VPS13A: variants seen among roughly 807,000 people sequenced by gnomAD.
The protein encoded by VPS13A is vacuolar protein sorting 13 homolog A, also known as intermembrane lipid transfer protein VPS13A.
A neutral mutation model predicts 390.9 loss-of-function variants in VPS13A; 264 were observed. The observed-to-expected ratio is 0.68, with a 90% CI of 0.61 to 0.75. The LOEUF (loss-of-function observed/expected upper bound fraction) is 0.75, where lower values mean the gene tolerates loss of function less well. VPS13A is among the 30% of genes least tolerant of loss of function. The pLI, the probability that VPS13A is intolerant of heterozygous loss-of-function variation, is 0.00. For missense variants in VPS13A, 3,409 were observed against 3,733.9 expected, an observed-to-expected ratio of 0.91 and a Z score of 2.27; for synonymous variants, 1,231 against 1,227.1, an observed-to-expected ratio of 1.00 and a Z score of -0.07.
chr9:77,416,866 C>CTTAGA lies in VPS13A; in HGVS notation c.*862_*866dup, dbSNP rs1250512215. On this transcript the variant is annotated 3_prime_UTR_variant, in exon 72 of 72. Coordinates refer to ENST00000360280, the MANE Select transcript of VPS13A (RefSeq NM_033305.3). ...ATGGAATAAACACAATTCCCAACAT[C>CTTAGA]TTAGATAGTGTATTATGCTTCCAAC... 4.6e-5 allele frequency: 7 copies of CTTAGA among 152,600 alleles called. No individual in the cohort carries two copies. Among genetic ancestry groups the CTTAGA allele is most frequent in the Admixed American group, 1.3e-4 (2 of 15,274 alleles). The allele number at this position is 152,600 out of a possible 1,614,324, so 9.5% of individuals were successfully genotyped here.
Position 77,308,040 on chromosome 9 carries a change from A to C in VPS13A, c.4056A>C (p.Thr1352=). Residue 1352 remains threonine, a synonymous_variant, in exon 35 of 72, where the codon ACA becomes ACC. Transcript: ENST00000360280. ...EKDGSASPAV[T]KDQYSATSGV... is the part of the protein sequence containing the mutation. ...ATGGTAGTGCCTCACCTGCTGTAAC[A>C]AAAGACCAATACAGTGCCACTAGTG... 3.1e-6 allele frequency: 5 copies of C among 1,613,940 alleles called. No homozygotes were observed. The highest frequency in any genetic ancestry group is 4.2e-6 in the Non-Finnish European group (5 of 1,179,886).
At chr9:77,245,032 G>C (rs1277911368) in intron 19 of VPS13A, among the ~76,000 whole-genome samples, 1 of 152,144 alleles carries the variant, frequency 6.6e-6, no homozygotes, top group Non-Finnish European at 1.5e-5. Context: ...TGAGTGAGGG[G>C]AGAGTGGAGG....
intron 1 of VPS13A, among the ~76,000 whole-genome samples, chr9:77,184,938 T>A (rs1174410388): frequency 6.6e-6 from 1 of 152,140 alleles, no homozygotes; most frequent in African/African-American, 2.4e-5. Context: ...TGTAATATCC[T>A]TTATGATAAA....
intron 31 of VPS13A, 46 bp downstream of exon 31, chr9:77,283,696 TG>T: frequency 7.0e-7 from 1 of 1,436,864 alleles, no homozygotes; most frequent in Non-Finnish European, 9.6e-7. Flanking sequence ...TAAATAGGAT[TG>T]TCCTTTAAGA....
At chr9:77,411,318 T>G (rs576715298) in intron 71 of VPS13A, among the ~76,000 whole-genome samples, 1 of 152,112 alleles carries the variant, frequency 6.6e-6, no homozygotes, top group East Asian at 1.9e-4. Flanking sequence ...TAGCACTAAA[T>G]GTCCACAAGA....
chr9:77,237,295 A>C (rs1033638926), intron 17 of VPS13A, among the ~76,000 whole-genome samples: 1 of 152,106 alleles, frequency 6.6e-6, no homozygotes, highest in African/African-American at 2.4e-5. Context: ...TGCTGGGGAG[A>C]AGAGTTGCTG....
chr9:77,290,851 T>C (rs1343925936), intron 31 of VPS13A, among the ~76,000 whole-genome samples: 4 of 152,234 alleles, frequency 2.6e-5, no homozygotes, highest in Non-Finnish European at 5.9e-5. Flanking sequence ...TATGTTCCAC[T>C]AGAAGCCTTT....
At chr9:77,296,454 GC>G (rs1222235534) in intron 33 of VPS13A, among the ~76,000 whole-genome samples, 1 of 151,852 alleles carries the variant, frequency 6.6e-6, no homozygotes, top group East Asian at 1.9e-4. Context: ...CTTCTCAACT[GC>G]CCTCTTCCTT....
At position 77,356,941 on chromosome 9, in the gene VPS13A, T is replaced by G. The variant is rs143409051; in HGVS notation, c.7806+74T>G. ...AGTTTGGTGAATCACTAGTGAAATT[T>G]AAGGAAAGTTTGGCTTCCTTATAAA... is the stretch of plus-strand genomic sequence containing the variant. On this transcript the variant is annotated intron_variant, in intron 55 of 71. Transcript: ENST00000360280. The G allele has an allele frequency of 1.2e-4, 184 of 1,553,058 alleles. 1 individual carries two copies. In the African/African-American group the frequency reaches 2.3e-3, roughly 20 times the overall value.
At chr9:77,256,916 T>G (rs1485308956) in intron 22 of VPS13A, among the ~76,000 whole-genome samples, 1 of 152,166 alleles carries the variant, frequency 6.6e-6, no homozygotes, top group Non-Finnish European at 1.5e-5. Flanking sequence ...TTGTAGACAG[T>G]ATGTAGTTGC....
At chr9:77,279,693 G>A (rs898544542) in intron 26 of VPS13A, among the ~76,000 whole-genome samples, 3 of 152,030 alleles carry the variant, frequency 2.0e-5, no homozygotes, top group Non-Finnish European at 2.9e-5. Context: ...CATGGTAATA[G>A]GGTTTATTTT....
At chr9:77,389,081 G>A (rs1339485342) in intron 68 of VPS13A, among the ~76,000 whole-genome samples, 1 of 152,030 alleles carries the variant, frequency 6.6e-6, no homozygotes, top group Non-Finnish European at 1.5e-5. Context: ...CTATAGAAAA[G>A]GAAACAATTA....
At position 77,260,175 on chromosome 9, in the gene VPS13A, C is replaced by T. The variant is rs1825675187; in HGVS notation, c.2378C>T (p.Pro793Leu). ...ATTATGGAATTGATTGAAAGCATTC[C>T]AAAACCTGAACCAGTAACTGAAGTA... ...QGIMELIESI[P>L]KPEPVTEVSA... The change falls in exon 23 of 72, where the codon CCA (proline) becomes CTA (leucine). Residue 793 changes from proline (P) to leucine (L), a missense_variant. Physicochemically the swap from Pro to Leu is moderately conservative, Grantham distance 98. Coordinates refer to ENST00000360280, the MANE Select transcript of VPS13A (RefSeq NM_033305.3). 6.2e-7 allele frequency: 1 copy of T among 1,612,986 alleles called. No homozygotes were observed. The highest frequency in any genetic ancestry group is 8.5e-7 in the Non-Finnish European group (1 of 1,179,436).
At position 77,416,240 on chromosome 9, in the gene VPS13A, T is replaced by C; in HGVS notation, c.*234T>C. 1 of 460,808 alleles carries C rather than the reference T, an allele frequency of 2.2e-6. No homozygotes were observed. Among genetic ancestry groups the C allele is most frequent in the South Asian group, 2.4e-5 (1 of 41,300 alleles). The allele number at this position is 460,808 out of a possible 1,614,324, so 28.5% of individuals were successfully genotyped here. A position where few individuals can be genotyped will look rare whatever the true frequency, so the allele number is the denominator to read the frequency against. On this transcript the variant is annotated 3_prime_UTR_variant, in exon 72 of 72. Coordinates refer to ENST00000360280, the MANE Select transcript of VPS13A (RefSeq NM_033305.3). ...TCAGCAATTACCCGGTTTTCTAAAT[T>C]GAATCATGCATCTATTTATAATTCT... is the stretch of plus-strand genomic sequence containing the variant.
At chr9:77,355,904 A>G (rs1831749641) in intron 54 of VPS13A, among the ~76,000 whole-genome samples, 1 of 152,194 alleles carries the variant, frequency 6.6e-6, no homozygotes, top group Non-Finnish European at 1.5e-5. Context: ...GGCTTACTGT[A>G]GTACACTAAC....
intron 10 of VPS13A, among the ~76,000 whole-genome samples, chr9:77,218,970 A>C (rs975223878): frequency 2.6e-5 from 4 of 152,120 alleles, no homozygotes; most frequent in Non-Finnish European, 5.9e-5. Context: ...TGGTTACTCC[A>C]CACTGACGAA....
intron 44 of VPS13A, 46 bp from the exon 45 acceptor site, chr9:77,323,021 G>T (rs770446048): frequency 1.4e-6 from 2 of 1,403,714 alleles, no homozygotes; most frequent in South Asian, 2.5e-5. Flanking sequence ...AAATTAATAT[G>T]TAATGAATTA....
chr9:77,298,800 A>G (rs1347981514), intron 33 of VPS13A, among the ~76,000 whole-genome samples: 1 of 152,140 alleles, frequency 6.6e-6, no homozygotes, highest in African/African-American at 2.4e-5. Context: ...TGGTTCCCCC[A>G]TACTGTTCTC....
chr9:77,199,415 T>G (rs2131101769), intron 1 of VPS13A, among the ~76,000 whole-genome samples: 1 of 152,330 alleles, frequency 6.6e-6, no homozygotes, highest in East Asian at 1.9e-4. Flanking sequence ...AGCAGTGTAT[T>G]TTAAACTTTC....
Sources: gnomAD v4.1 joint callset for allele counts (sites outside exome capture counted in the v4.1 genomes callset) on GRCh38, gnomAD v4.1.1 for gene constraint, MANE v1.5 for transcripts, NCBI Gene and HGNC (gene_info 2026-07-23, HGNC 2026-07-21) for gene names.